The following PPP6R3 variants were observed in gnomAD, a reference collection of about 807,000 sequenced individuals.
PPP6R3 encodes the protein protein phosphatase 6 regulatory subunit 3.
PPP6R3 carries 38 observed loss-of-function variants against 110.7 expected under a neutral mutation model. The ratio of observed to expected loss-of-function variants is 0.34; its 90% confidence interval spans 0.26 to 0.45. PPP6R3 has a LOEUF of 0.45. PPP6R3 is among the 20% of genes least tolerant of loss of function. PPP6R3 has a pLI of 1.00. For synonymous variants in PPP6R3, 369 were observed against 373.5 expected, an observed-to-expected ratio of 0.99 and a Z score of 0.14; for missense variants, 870 against 1,062.4, an observed-to-expected ratio of 0.82 and a Z score of 2.52.
intron 21 of PPP6R3, among the ~76,000 whole-genome samples, chr11:68,602,462 C>T (rs1312307523): frequency 2.0e-5 from 3 of 152,146 alleles, no homozygotes; most frequent in Non-Finnish European, 2.9e-5. Flanking sequence ...GTTCCTTGCA[C>T]GGCCCTGAAC....
chr11:68,545,005 T>C lies in PPP6R3; in HGVS notation c.395T>C (p.Ile132Thr). Residue 132 changes from isoleucine (I) to threonine (T), a missense_variant, in exon 4 of 24, where the codon ATC (isoleucine) becomes ACC (threonine). Ile to Thr is a moderately conservative substitution (Grantham distance 89). Coordinates refer to ENST00000393800, the MANE Select transcript of PPP6R3 (RefSeq NM_001164161.2). ...TTCAGCAAGGTGCTAAGTATTCTTA[T>C]CAGCAGAAAACCAGAACAGGTAAAT... Reference protein sequence around the residue: ...SFFSKVLSILISRKPEQIVDF... With the variant: ...SFFSKVLSILTSRKPEQIVDF... The C allele has an allele frequency of 1.2e-6, 2 of 1,606,566 alleles. No individual in the cohort carries two copies. The highest frequency in any genetic ancestry group is 1.7e-6 in the Non-Finnish European group (2 of 1,173,406).
intron 1 of PPP6R3, among the ~76,000 whole-genome samples, chr11:68,482,167 C>G (rs1482765646): frequency 6.7e-6 from 1 of 149,066 alleles, no homozygotes; most frequent in Admixed American, 6.8e-5. Context: ...AAGCAGATCA[C>G]CTGAGGTCAG....
chr11:68,547,625 G>A (rs1318813571), intron 4 of PPP6R3, among the ~76,000 whole-genome samples: 1 of 152,138 alleles, frequency 6.6e-6, no homozygotes, highest in East Asian at 1.9e-4. Flanking sequence ...AGAAATCTTT[G>A]TTTTGAAATT....
At chr11:68,484,562 CTA>C (rs1392239340) in intron 1 of PPP6R3, among the ~76,000 whole-genome samples, 1 of 150,722 alleles carries the variant, frequency 6.6e-6, no homozygotes, top group Non-Finnish European at 1.5e-5. Flanking sequence ...TTTTAAGTGT[CTA>C]TATATATTTT....
Position 68,613,513 on chromosome 11 carries a change from T to TTAGG in PPP6R3, c.*397_*400dup. 1.0e-6 allele frequency: 1 copy of TTAGG among 988,996 alleles called. No homozygotes were observed. The highest frequency in any genetic ancestry group is 4.7e-5 in the South Asian group (1 of 21,326). 61.3% of individuals were successfully genotyped at this position (988,996 alleles called of 1,614,324 possible). ...GACAATTATTAGTGTGACCAAAGTA[T>TTAGG]TAGGCGGTTTTCATACATTTTTCAC... On this transcript the variant is annotated 3_prime_UTR_variant, in exon 24 of 24. Transcript: ENST00000393800.
chr11:68,472,188 G>T (rs1306992874), intron 1 of PPP6R3, among the ~76,000 whole-genome samples: 1 of 152,158 alleles, frequency 6.6e-6, no homozygotes, highest in Non-Finnish European at 1.5e-5. Flanking sequence ...GCAAGAGAGA[G>T]GCCAGGAAGT....
chr11:68,610,078 C>A, intron 23 of PPP6R3, 55 bp downstream of exon 23: 1 of 1,595,876 alleles, frequency 6.3e-7, no homozygotes, highest in Non-Finnish European at 8.5e-7. Flanking sequence ...TTGCCTGTTG[C>A]TTCCTGGGAG....
At chr11:68,597,067 C>T (rs1005532318) in intron 19 of PPP6R3, among the ~76,000 whole-genome samples, 4 of 152,170 alleles carry the variant, frequency 2.6e-5, no homozygotes, top group African/African-American at 7.2e-5. Context: ...CTTTTCTGTC[C>T]GTAATTCAGT....
At chr11:68,469,010 G>T (rs1419303285) in intron 1 of PPP6R3, among the ~76,000 whole-genome samples, 1 of 152,106 alleles carries the variant, frequency 6.6e-6, no homozygotes, top group Non-Finnish European at 1.5e-5. Context: ...GGATCTTTTT[G>T]ATTTTGCACT....
At chr11:68,509,573 T>G (rs1445825531) in intron 1 of PPP6R3, among the ~76,000 whole-genome samples, 1 of 151,672 alleles carries the variant, frequency 6.6e-6, no homozygotes, top group Non-Finnish European at 1.5e-5. Context: ...CATAAATTGT[T>G]GAAGCAACAA....
chr11:68,469,944 A>G (rs2098778438), intron 1 of PPP6R3, among the ~76,000 whole-genome samples: 1 of 152,138 alleles, frequency 6.6e-6, no homozygotes, highest in East Asian at 1.9e-4. Flanking sequence ...TCCTTATATA[A>G]TGTGACTTCA....
At chr11:68,545,493 C>T (rs1341021058) in intron 4 of PPP6R3, among the ~76,000 whole-genome samples, 1 of 152,236 alleles carries the variant, frequency 6.6e-6, no homozygotes, top group Non-Finnish European at 1.5e-5. Context: ...CTACTCAAAA[C>T]TTCTCCAGTG....
At position 68,597,777 on chromosome 11, in the gene PPP6R3, G is replaced by A. The variant is rs575224638; in HGVS notation, c.2038+1559G>A. ...GCGGATCACTTGAGGCCAGGAGTTC[G>A]AGACCACCCTGGCCAACAGGGTGAA... On this transcript the variant is annotated intron_variant, in intron 19 of 23. Coordinates refer to ENST00000393800, the MANE Select transcript of PPP6R3 (RefSeq NM_001164161.2). Among the ~76,000 whole-genome samples, 17 of 149,342 alleles carry A rather than the reference G, an allele frequency of 1.1e-4. 1 individual carries two copies. The South Asian group carries it at 3.4e-3, about 30-fold the overall frequency.
chr11:68,482,907 T>A (rs1411769397), intron 1 of PPP6R3, among the ~76,000 whole-genome samples: 1 of 152,144 alleles, frequency 6.6e-6, no homozygotes, highest in African/African-American at 2.4e-5. Flanking sequence ...CTCTTTTCAC[T>A]GAGTCCCATG....
rs115883778 is a variant in PPP6R3, at chr11:68,538,093, T to A, written c.227+202T>A. On this transcript the variant is annotated intron_variant, in intron 3 of 23. Transcript: ENST00000393800. ...CACAAGAGTTTAAAAATGAGCGTTC[T>A]GAATTTCATTCAAAGGTTTTCTGGA... Among the ~76,000 whole-genome samples the A allele has an allele frequency of 7.8e-3, 1,192 of 152,334 alleles. 19 individuals are homozygous for A. The highest frequency in any genetic ancestry group is 0.027 in the African/African-American group (1,128 of 41,576).
chr11:68,518,466 A>G (rs2099147810), intron 1 of PPP6R3, among the ~76,000 whole-genome samples: 1 of 152,216 alleles, frequency 6.6e-6, no homozygotes, highest in African/African-American at 2.4e-5. Flanking sequence ...TAGATGTGAT[A>G]CATGATCCTA....
At chr11:68,503,277 T>G (rs1336471000) in intron 1 of PPP6R3, among the ~76,000 whole-genome samples, 1 of 152,204 alleles carries the variant, frequency 6.6e-6, no homozygotes. Flanking sequence ...CGGAAACGGC[T>G]TCGTTTATTC....
chr11:68,476,769 T>G (rs1244590524), intron 1 of PPP6R3, among the ~76,000 whole-genome samples: 2 of 152,128 alleles, frequency 1.3e-5, no homozygotes, highest in Non-Finnish European at 2.9e-5. Flanking sequence ...ACACCTGTAT[T>G]CCCAGCACTT....
chr11:68,533,087 T>C (rs2099249982), intron 2 of PPP6R3, among the ~76,000 whole-genome samples: 1 of 152,228 alleles, frequency 6.6e-6, no homozygotes, highest in South Asian at 2.1e-4. Context: ...AGAGTAGTTA[T>C]ATTTTTTAAA....
Sources: allele counts gnomAD v4.1 joint callset (sites outside exome capture counted in the v4.1 genomes callset), GRCh38; gene constraint gnomAD v4.1.1; transcripts MANE v1.5; gene names NCBI Gene and HGNC (gene_info 2026-07-23, HGNC 2026-07-21).